Variants in NALF1 observed in about 807,000 individuals in gnomAD.
NALF1 encodes NALCN channel auxiliary factor 1, also known as family with sequence similarity 155 member A.
A neutral mutation model predicts 48.4 loss-of-function variants in NALF1; 3 were observed. That is an observed-to-expected ratio of 0.06 (90% confidence interval 0.03 to 0.16). The LOEUF is 0.16. Ranked by LOEUF, NALF1 falls within the 10% of genes least tolerant of loss-of-function variation. NALF1 has a pLI of 1.00. For missense variants in NALF1, 526 were observed against 571.5 expected, an observed-to-expected ratio of 0.92 and a Z score of 0.81; for synonymous variants, 262 against 245.7, an observed-to-expected ratio of 1.07 and a Z score of -0.62.
At chr13:107,458,216 A>G (rs1409609368) in intron 1 of NALF1, among the ~76,000 whole-genome samples, 2 of 152,218 alleles carry the variant, frequency 1.3e-5, no homozygotes, top group Non-Finnish European at 2.9e-5. Context: ...AAAAACGTAG[A>G]CACCTAAGTG....
chr13:107,398,909 C>T lies in NALF1; in HGVS notation c.916-188154G>A, dbSNP rs140279556. On this transcript the variant is annotated intron_variant, in intron 1 of 2. Transcript: ENST00000375915. Reference sequence around the variant, plus strand: ...TGATGGCCAGGAGCATTTCTACATACGAGGAAGGCTGAATTCAAAAGATTA... The same window carrying T: ...TGATGGCCAGGAGCATTTCTACATATGAGGAAGGCTGAATTCAAAAGATTA... Among the ~76,000 whole-genome samples, 633 of 152,240 alleles carry T rather than the reference C, an allele frequency of 4.2e-3. 3 individuals are homozygous for T. Among genetic ancestry groups the T allele is most frequent in the African/African-American group, 0.015 (610 of 41,546 alleles).
intron 1 of NALF1, among the ~76,000 whole-genome samples, chr13:107,286,178 G>A (rs1045635436): frequency 1.3e-5 from 2 of 152,068 alleles, no homozygotes; most frequent in South Asian, 2.1e-4. Flanking sequence ...AAAATGGTTC[G>A]GCGGCTGTAA....
chr13:107,507,257 C>T (rs2794406), intron 1 of NALF1, among the ~76,000 whole-genome samples: 151,592 of 152,220 alleles, frequency 1, 75,487 homozygotes, highest in East Asian at 1. Flanking sequence ...TAGGTAACTA[C>T]AGGTTTGTAG....
intron 1 of NALF1, among the ~76,000 whole-genome samples, chr13:107,710,790 CATATATGTATAT>C (rs1425036040): frequency 2.2e-5 from 3 of 137,916 alleles, no homozygotes; most frequent in Admixed American, 7.7e-5. Flanking sequence ...TGTATATACA[CATATATGTATAT>C]ATACATATAT....
intron 1 of NALF1, among the ~76,000 whole-genome samples, chr13:107,650,394 T>TTAAAAAAAAA (rs759265883): frequency 1.9e-5 from 2 of 107,650 alleles, no homozygotes; most frequent in African/African-American, 6.3e-5. Flanking sequence ...CTGCAACCAT[T>TTAAAAAAAAA]AAAAAAAAAA....
intron 1 of NALF1, among the ~76,000 whole-genome samples, chr13:107,393,516 A>C (rs529987052): frequency 7.3e-4 from 111 of 152,314 alleles, no homozygotes; most frequent in Middle Eastern, 3.4e-3. Flanking sequence ...TAGCCTCTCT[A>C]GGAGTCCATT....
intron 2 of NALF1, among the ~76,000 whole-genome samples, chr13:107,199,463 C>T (rs954782318): frequency 1.3e-5 from 2 of 152,142 alleles, no homozygotes; most frequent in African/African-American, 4.8e-5. Flanking sequence ...CCCATTTTAA[C>T]TTGAAGAGCT....
rs143231631 is a variant in NALF1, at chr13:107,544,514, G to A, written c.915+321168C>T. Among the ~76,000 whole-genome samples, 158 of 152,264 alleles carry A rather than the reference G, an allele frequency of 1.0e-3. 1 individual carries two copies. The East Asian group carries it at 0.014, about 14-fold the overall frequency. On this transcript the variant is annotated intron_variant, in intron 1 of 2. Coordinates refer to ENST00000375915, the MANE Select transcript of NALF1 (RefSeq NM_001080396.3). ...AATAGAAGCATGAGCAATTTCTGAA[G>A]TCAGAATTCTAGTTCCATCTAAACC...
intron 1 of NALF1, among the ~76,000 whole-genome samples, chr13:107,754,702 C>T (rs1444315890): frequency 6.6e-6 from 1 of 152,092 alleles, no homozygotes; most frequent in East Asian, 1.9e-4. Context: ...GAAAATGATT[C>T]TCCATGTTTT....
At chr13:107,488,487 G>A (rs886588935) in intron 1 of NALF1, among the ~76,000 whole-genome samples, 4 of 151,938 alleles carry the variant, frequency 2.6e-5, no homozygotes, top group Non-Finnish European at 5.9e-5. Flanking sequence ...CAATAAATGT[G>A]ATTCATCCCA....
intron 1 of NALF1, among the ~76,000 whole-genome samples, chr13:107,366,387 C>G (rs532677585): frequency 3.9e-5 from 6 of 152,294 alleles, no homozygotes; most frequent in African/African-American, 7.2e-5. Context: ...CCCTTTTTAG[C>G]CTCTGCTGTC....
chr13:107,474,573 CACAT>C (rs928546903), intron 1 of NALF1, among the ~76,000 whole-genome samples: 1 of 152,076 alleles, frequency 6.6e-6, no homozygotes, highest in African/African-American at 2.4e-5. Context: ...GAGAAAAATA[CACAT>C]ACATACATAC....
Position 107,828,601 on chromosome 13 carries a change from A to G in NALF1, c.915+37081T>C, listed in dbSNP as rs972537015. 8.8e-5 allele frequency among the ~76,000 whole-genome samples: 3 copies of G among 34,070 alleles called. No homozygotes were observed. In the Admixed American group the frequency reaches 1.3e-3, roughly 14 times the overall value. 22.4% of individuals were successfully genotyped at this position (34,070 alleles called of 152,430 possible). A position where few individuals can be genotyped will look rare whatever the true frequency, so the allele number is the denominator to read the frequency against. ...TATCTATCTATCTATCTATATCTATATCTATACACACACACACACACACAC... is the reference window on the plus strand; with the variant it reads ...TATCTATCTATCTATCTATATCTATGTCTATACACACACACACACACACAC... On this transcript the variant is annotated intron_variant, in intron 1 of 2. Coordinates refer to ENST00000375915, the MANE Select transcript of NALF1 (RefSeq NM_001080396.3).
intron 1 of NALF1, among the ~76,000 whole-genome samples, chr13:107,517,476 C>A (rs1431200992): frequency 2.0e-5 from 3 of 151,596 alleles, no homozygotes; most frequent in Non-Finnish European, 4.4e-5. Flanking sequence ...AAAAAAAATA[C>A]AAAAAATTAG....
intron 1 of NALF1, among the ~76,000 whole-genome samples, chr13:107,523,097 G>A (rs1188521785): frequency 6.6e-6 from 1 of 152,158 alleles, no homozygotes; most frequent in Non-Finnish European, 1.5e-5. Context: ...AAGGGAGATG[G>A]ATGTCAGAGG....
At chr13:107,333,991 A>T (rs1594124767) in intron 1 of NALF1, among the ~76,000 whole-genome samples, 1 of 152,178 alleles carries the variant, frequency 6.6e-6, no homozygotes, top group Non-Finnish European at 1.5e-5. Flanking sequence ...AATAAAGGGA[A>T]TGTATTATGT....
chr13:107,328,313 CACTT>C (rs1300148026), intron 1 of NALF1, among the ~76,000 whole-genome samples: 2 of 142,450 alleles, frequency 1.4e-5, no homozygotes, highest in African/African-American at 5.2e-5. Context: ...CACACACACA[CACTT>C]TTGTTTGGCT....
intron 1 of NALF1, among the ~76,000 whole-genome samples, chr13:107,502,073 A>T (rs775478721): frequency 1.2e-4 from 19 of 152,166 alleles, no homozygotes; most frequent in Admixed American, 7.9e-4. Flanking sequence ...CACCTGTTTC[A>T]TTAAGGTCAA....
chr13:107,821,452 G>A lies in NALF1; in HGVS notation c.915+44230C>T, dbSNP rs184426590. The stretch of plus-strand genomic sequence containing the variant: ...CTCTAAGGCCATGTCGAGATTACGC[G>A]CCCTTTGAGATGATGCATGAGGAGG... On this transcript the variant is annotated intron_variant, in intron 1 of 2. Coordinates refer to ENST00000375915, the MANE Select transcript of NALF1 (RefSeq NM_001080396.3). Among the ~76,000 whole-genome samples the A allele has an allele frequency of 1.2e-4, 19 of 152,210 alleles. No individual in the cohort carries two copies. The East Asian group carries it at 3.3e-3, about 26-fold the overall frequency.
Sources: gnomAD v4.1 joint callset for allele counts (sites outside exome capture counted in the v4.1 genomes callset) on GRCh38, gnomAD v4.1.1 for gene constraint, MANE v1.5 for transcripts, NCBI Gene and HGNC (gene_info 2026-07-23, HGNC 2026-07-21) for gene names.